SKIC2: variants seen among roughly 807,000 people sequenced by gnomAD.
SKIC2 encodes the protein SKI2 subunit of superkiller complex.
chr6:31,969,000 C>A, the SKIC2 span: 1 of 1,612,842 alleles, frequency 6.2e-7, no homozygotes, highest in African/African-American at 1.3e-5. This position sits in a 1 kb window ranked among gnomAD's most constrained non-coding sequence, Gnocchi z 6.1. Context: ...GAGCACCCTG[C>A]GGCCTGAGGA....
chr6:31,960,649 G>A, the SKIC2 span: 2 of 1,591,352 alleles, frequency 1.3e-6, no homozygotes. Flanking sequence ...ATCCCTGTCT[G>A]TCCTGTCTCT....
chr6:31,965,385 A>G, the SKIC2 span, among the ~76,000 whole-genome samples: 6 of 152,186 alleles, frequency 3.9e-5, no homozygotes, highest in Admixed American at 3.9e-4. This position sits in a 1 kb window ranked among gnomAD's most constrained non-coding sequence, Gnocchi z 5.6. Flanking sequence ...ACATGGACAG[A>G]TGTTGAAACA....
At chr6:31,963,860 C>T in the SKIC2 span, 2 of 1,524,928 alleles carry the variant, frequency 1.3e-6, no homozygotes, top group East Asian at 4.5e-5. This position sits in a 1 kb window ranked among gnomAD's most constrained non-coding sequence, Gnocchi z 5.3. Flanking sequence ...GCTCACCTCT[C>T]ATTGGTTCAG....
chr6:31,964,193 G>A, the SKIC2 span: 10 of 1,608,548 alleles, frequency 6.2e-6, no homozygotes, highest in African/African-American at 6.7e-5. This position sits in a 1 kb window ranked among gnomAD's most constrained non-coding sequence, Gnocchi z 5.0. Flanking sequence ...AGGGTGTTCC[G>A]AGACTCCATC....
At chr6:31,967,451 AG>A in the SKIC2 span, 1 of 1,244,942 alleles carries the variant, frequency 8.0e-7, no homozygotes. This position sits in a 1 kb window ranked among gnomAD's most constrained non-coding sequence, Gnocchi z 4.9. Context: ...CCACTTGGCC[AG>A]GGCAGGTTGC....
At chr6:31,961,631 C>T in the SKIC2 span, 5 of 1,612,942 alleles carry the variant, frequency 3.1e-6, no homozygotes, top group African/African-American at 2.7e-5. Context: ...CGCCACCTCC[C>T]CTGTTGGTGA....
chr6:31,966,809 G>A, the SKIC2 span: 2 of 1,614,206 alleles, frequency 1.2e-6, no homozygotes, highest in Non-Finnish European at 1.7e-6. The surrounding 1 kb of genome is among the most constrained non-coding windows in gnomAD (Gnocchi z 5.9). Context: ...ATGATGAAGA[G>A]GAGCTTCTCT....
At chr6:31,967,125 C>T in the SKIC2 span, 2 of 1,611,036 alleles carry the variant, frequency 1.2e-6, no homozygotes, top group South Asian at 1.1e-5. The surrounding 1 kb of genome is among the most constrained non-coding windows in gnomAD (Gnocchi z 4.9). Context: ...CTGACAGAGA[C>T]CCAGCACATG....
the SKIC2 span, chr6:31,969,260 CCT>C: frequency 6.2e-7 from 1 of 1,613,552 alleles, no homozygotes; most frequent in South Asian, 1.1e-5. This position sits in a 1 kb window ranked among gnomAD's most constrained non-coding sequence, Gnocchi z 6.1. Context: ...CAGGCCTTAA[CCT>C]CTCCTTCTTT....
At chr6:31,968,604 C>T in the SKIC2 span, 101 of 1,550,516 alleles carry the variant, frequency 6.5e-5, 1 homozygote, top group East Asian at 2.2e-3. The surrounding 1 kb of genome is among the most constrained non-coding windows in gnomAD (Gnocchi z 6.1). Flanking sequence ...CCCCTGTAGA[C>T]TGACCGCCCC....
chr6:31,966,263 A>ATT, the SKIC2 span, among the ~76,000 whole-genome samples: 1 of 142,450 alleles, frequency 7.0e-6, no homozygotes, highest in Non-Finnish European at 1.5e-5. The surrounding 1 kb of genome is among the most constrained non-coding windows in gnomAD (Gnocchi z 5.9). Flanking sequence ...GGCCTGGCTA[A>ATT]TTTTTTTTTT....
the SKIC2 span, chr6:31,962,792 T>C: frequency 1.2e-6 from 2 of 1,610,820 alleles, no homozygotes; most frequent in Non-Finnish European, 1.7e-6. The surrounding 1 kb of genome is among the most constrained non-coding windows in gnomAD (Gnocchi z 5.0). Flanking sequence ...ATATCAACGA[T>C]GTCGAGGTAA....
the SKIC2 span, chr6:31,968,897 C>T: frequency 4.8e-5 from 78 of 1,612,834 alleles, 1 homozygote; most frequent in East Asian, 6.7e-4. The surrounding 1 kb of genome is among the most constrained non-coding windows in gnomAD (Gnocchi z 6.1). Context: ...GTTATGTGGA[C>T]GAGGCGGGCA....
the SKIC2 span, chr6:31,961,338 C>G: frequency 7.9e-4 from 1,259 of 1,585,320 alleles, 15 homozygotes; most frequent in Admixed American, 0.016. Flanking sequence ...CCTCTCCCTG[C>G]AGTGCTCCCC....
chr6:31,965,792 G>T, the SKIC2 span: 25 of 1,605,954 alleles, frequency 1.6e-5, no homozygotes, highest in Non-Finnish European at 2.0e-5. This position sits in a 1 kb window ranked among gnomAD's most constrained non-coding sequence, Gnocchi z 5.6. Context: ...GGTCTTGTTT[G>T]CCACAGAGAC....
chr6:31,966,834 C>T, the SKIC2 span: 7 of 1,614,176 alleles, frequency 4.3e-6, no homozygotes, highest in Non-Finnish European at 5.9e-6. This position sits in a 1 kb window ranked among gnomAD's most constrained non-coding sequence, Gnocchi z 5.9. Context: ...TTCCCTCCCG[C>T]AAAGACAGCA....
At chr6:31,968,130 G>A in the SKIC2 span, 2 of 1,608,446 alleles carry the variant, frequency 1.2e-6, no homozygotes, top group Non-Finnish European at 1.7e-6. The surrounding 1 kb of genome is among the most constrained non-coding windows in gnomAD (Gnocchi z 6.1). Flanking sequence ...GCACGTAGAG[G>A]CAGGGAGGGG....
the SKIC2 span, chr6:31,967,582 C>A: frequency 9.8e-7 from 1 of 1,024,380 alleles, no homozygotes; most frequent in Non-Finnish European, 1.5e-6. The surrounding 1 kb of genome is among the most constrained non-coding windows in gnomAD (Gnocchi z 4.9). Flanking sequence ...GATCGCTTGA[C>A]TTGGTTGCCC....
the SKIC2 span, chr6:31,968,114 A>G: frequency 1.2e-6 from 2 of 1,611,962 alleles, no homozygotes; most frequent in African/African-American, 1.3e-5. The surrounding 1 kb of genome is among the most constrained non-coding windows in gnomAD (Gnocchi z 6.1). Flanking sequence ...CTTCTCCTCC[A>G]GAGGGGCACG....
Sources: allele counts gnomAD v4.1 joint callset (sites outside exome capture counted in the v4.1 genomes callset), GRCh38; gene constraint gnomAD v4.1.1; non-coding constraint Gnocchi (gnomAD v3.1); transcripts MANE v1.5; gene names NCBI Gene and HGNC (gene_info 2026-07-23, HGNC 2026-07-21).